The following NIPSNAP1 variants were observed in gnomAD, a reference collection of about 807,000 sequenced individuals.
NIPSNAP1 encodes the protein nipsnap homolog 1.
In NIPSNAP1, 25 loss-of-function variants were observed where a neutral mutation model predicts 49.2. The ratio of observed to expected loss-of-function variants is 0.51; its 90% CI spans 0.37 to 0.71. The LOEUF (loss-of-function observed/expected upper bound fraction) is 0.71, where lower values mean the gene tolerates loss of function less well. Ranked by LOEUF, NIPSNAP1 falls within the 30% of genes least tolerant of loss-of-function variation. The pLI is 0.00. For synonymous variants in NIPSNAP1, 143 were observed against 140.7 expected (o/e 1.02, Z -0.12); for missense variants, 294 against 361.0 (o/e 0.81, Z 1.50).
intron 1 of NIPSNAP1, among the ~76,000 whole-genome samples, chr22:29,573,017 G>C (rs914851537): frequency 6.6e-6 from 1 of 151,038 alleles, no homozygotes; most frequent in East Asian, 1.9e-4. Flanking sequence ...TCTTAAAGTG[G>C]TGATATGTTT....
intron 1 of NIPSNAP1, 97 bp downstream of exon 1, chr22:29,580,888 G>A: frequency 1.0e-6 from 1 of 979,350 alleles, no homozygotes; most frequent in East Asian, 2.9e-5. Context: ...CAGATTCCAA[G>A]CGAGGAGTCT....
Position 29,561,638 on chromosome 22 carries a change from C to A in NIPSNAP1, c.447G>T (p.Leu149=). The change falls in exon 6 of 10, where the codon CTG becomes CTT. Residue 149 remains leucine (L), a synonymous_variant. Transcript: ENST00000216121. ...TCTGGCTCCGCTCCCTTCGGAACTC[C>A]AGGTACTCCTGTGGGCATGGTGGTA... ...MNKLKNNKEY[L]EFRRERSQML... The A allele has an allele frequency of 6.2e-7, 1 of 1,614,060 alleles. No homozygotes were observed. The highest frequency in any genetic ancestry group is 8.5e-7 in the Non-Finnish European group (1 of 1,180,026).
intron 4 of NIPSNAP1, among the ~76,000 whole-genome samples, chr22:29,562,213 A>C (rs2064340834): frequency 6.6e-6 from 1 of 152,194 alleles, no homozygotes; most frequent in Non-Finnish European, 1.5e-5. Flanking sequence ...AGTGGCATGC[A>C]TAAGGAAGAC....
chr22:29,566,965 T>C (rs564778954), intron 4 of NIPSNAP1, among the ~76,000 whole-genome samples: 1 of 151,898 alleles, frequency 6.6e-6, no homozygotes, highest in East Asian at 1.9e-4. Flanking sequence ...CTACTAAAAA[T>C]ACAAAAATTA....
intron 4 of NIPSNAP1, among the ~76,000 whole-genome samples, chr22:29,564,020 G>A (rs945261984): frequency 6.6e-5 from 10 of 152,148 alleles, no homozygotes; most frequent in African/African-American, 2.4e-4. Flanking sequence ...GGCCACCCCA[G>A]GAAACTAATC....
At position 29,570,156 on chromosome 22, in the gene NIPSNAP1, G is replaced by T; in HGVS notation, c.272+6C>A. 6.2e-7 allele frequency: 1 copy of T among 1,613,520 alleles called. No individual in the cohort carries two copies. Among genetic ancestry groups the T allele is most frequent in the Non-Finnish European group, 8.5e-7 (1 of 1,179,562 alleles). Reference sequence around the variant, plus strand: ...GGGATGGGATGTATGGATGCAGGGTGCTCACGTGAGGCTGTTGTAGGCATC... The same window carrying T: ...GGGATGGGATGTATGGATGCAGGGTTCTCACGTGAGGCTGTTGTAGGCATC... On this transcript the variant is annotated splice_donor_region_variant and intron_variant, in intron 3 of 9. Transcript: ENST00000216121.
Position 29,561,530 on chromosome 22 carries a change from A to G in NIPSNAP1, c.555T>C (p.Tyr185=). 1 of 1,614,124 alleles carries G rather than the reference A, an allele frequency of 6.2e-7. No individual in the cohort carries two copies. Among genetic ancestry groups the G allele is most frequent in the South Asian group, 1.1e-5 (1 of 91,086 alleles). ...EPQPRMGPNI[Y]ELRTYKLKPG... ...CCTTGAGCTTGTATGTCCTCAGCTCATAGATGTTGGGACCCATTCTGGGCT... is the reference window on the plus strand; with the variant it reads ...CCTTGAGCTTGTATGTCCTCAGCTCGTAGATGTTGGGACCCATTCTGGGCT... The change falls in exon 6 of 10, where the codon TAT becomes TAC. Residue 185 remains tyrosine, a synonymous_variant. Transcript: ENST00000216121.
In NIPSNAP1 at chr22:29,570,194, C is replaced by G; in HGVS notation, c.240G>C (p.Lys80Asn). ...TGTTGTAGGCATCCAGGTATTCAGG[C>G]TTTACATTGTGAACTGCAACAGAGG... ...NLYKIQFHNV[K>N]PEYLDAYNSL... is the part of the protein sequence containing the mutation. The change falls in exon 3 of 10, where the codon AAG becomes AAC. Residue 80 changes from lysine (K) to asparagine (N), a missense_variant. Coordinates refer to ENST00000216121, the MANE Select transcript of NIPSNAP1 (RefSeq NM_003634.4). 1 of 1,613,906 alleles carries G rather than the reference C, an allele frequency of 6.2e-7. No homozygotes were observed. Among genetic ancestry groups the G allele is most frequent in the Non-Finnish European group, 8.5e-7 (1 of 1,179,992 alleles).
At chr22:29,580,803 C>G (rs1173378276) in intron 1 of NIPSNAP1, among the ~76,000 whole-genome samples, 182 bp downstream of exon 1, 2 of 152,110 alleles carry the variant, frequency 1.3e-5, no homozygotes, top group African/African-American at 4.8e-5. Flanking sequence ...AAGACCCTAC[C>G]CATCCCTTTC....
intron 1 of NIPSNAP1, among the ~76,000 whole-genome samples, chr22:29,577,748 T>G (rs926538250): frequency 6.7e-6 from 1 of 150,024 alleles, no homozygotes; most frequent in Non-Finnish European, 1.5e-5. Flanking sequence ...GTTTTGTTTT[T>G]TTGATACGGA....
At chr22:29,572,721 C>G (rs768317507) in intron 1 of NIPSNAP1, among the ~76,000 whole-genome samples, 1 of 151,870 alleles carries the variant, frequency 6.6e-6, no homozygotes, top group African/African-American at 2.4e-5. Flanking sequence ...ATCACTTGAG[C>G]CTGGGAGGTT....
At chr22:29,578,527 C>T (rs577241017) in intron 1 of NIPSNAP1, among the ~76,000 whole-genome samples, 2 of 151,314 alleles carry the variant, frequency 1.3e-5, no homozygotes, top group South Asian at 2.1e-4. Context: ...AGCCTCATTG[C>T]CCCCAAACCT....
intron 9 of NIPSNAP1, among the ~76,000 whole-genome samples, chr22:29,558,009 T>A (rs1569244449): frequency 6.6e-6 from 1 of 152,132 alleles, no homozygotes; most frequent in Non-Finnish European, 1.5e-5. Context: ...ATGCCTATGA[T>A]CCCAGCACTT....
At chr22:29,580,258 A>C in intron 1 of NIPSNAP1, 1 of 1,282,732 alleles carries the variant, frequency 7.8e-7, no homozygotes, top group South Asian at 1.3e-5. Context: ...GGGGAAGTAC[A>C]GGGCTGTGGG....
At chr22:29,557,621 G>A (rs2064305114) in intron 9 of NIPSNAP1, among the ~76,000 whole-genome samples, 1 of 151,708 alleles carries the variant, frequency 6.6e-6, no homozygotes, top group African/African-American at 2.4e-5. Flanking sequence ...TGTAGAGATG[G>A]GGTCTCCCTA....
intron 6 of NIPSNAP1, 53 bp from the exon 7 acceptor site, chr22:29,561,255 G>C (rs2064333441): frequency 6.2e-7 from 1 of 1,601,002 alleles, no homozygotes; most frequent in Non-Finnish European, 8.6e-7. Context: ...CAGATTCATA[G>C]CATCACAGCT....
intron 4 of NIPSNAP1, chr22:29,564,187 A>G: frequency 2.6e-6 from 1 of 377,766 alleles, no homozygotes; most frequent in South Asian, 2.0e-5. Context: ...CCAGCAGTCT[A>G]GAAACTCAGA....
At chr22:29,580,213 A>C in intron 1 of NIPSNAP1, 1 of 1,303,624 alleles carries the variant, frequency 7.7e-7, no homozygotes, top group African/African-American at 1.5e-5. Flanking sequence ...ACAAGCACCA[A>C]GTCATAACTG....
chr22:29,562,560 G>T (rs8142879), intron 4 of NIPSNAP1, among the ~76,000 whole-genome samples: 5,578 of 152,080 alleles, frequency 0.037, 345 homozygotes, highest in African/African-American at 0.13. Flanking sequence ...GTGTGGTGGC[G>T]CATGCCTGTA....
Sources: gnomAD v4.1 joint callset for allele counts (sites outside exome capture counted in the v4.1 genomes callset) on GRCh38, gnomAD v4.1.1 for gene constraint, MANE v1.5 for transcripts, NCBI Gene and HGNC (gene_info 2026-07-23, HGNC 2026-07-21) for gene names.